NSUN2: variants seen among roughly 807,000 people sequenced by gnomAD.
The protein encoded by NSUN2 is RNA cytosine C(5)-methyltransferase NSUN2.
Under a neutral mutation model 92.7 loss-of-function variants are expected in NSUN2, and 63 were observed. The observed-to-expected ratio is 0.68, with a 90% confidence interval of 0.56 to 0.84. NSUN2 has a LOEUF of 0.84. Among genes scored for constraint, NSUN2 ranks in the 40% least tolerant of loss-of-function variants. The pLI is 0.00. For missense variants in NSUN2, 989 were observed against 964.9 expected, an observed-to-expected ratio of 1.02 and a Z score of -0.33; for synonymous variants, 356 against 348.3, an observed-to-expected ratio of 1.02 and a Z score of -0.25.
In NSUN2 at chr5:6,602,417, T is replaced by C. The variant is rs775156580; in HGVS notation, c.1997+44A>G. 1.9e-6 allele frequency: 3 copies of C among 1,590,390 alleles called. No individual in the cohort carries two copies. In the Admixed American group the frequency reaches 5.0e-5, roughly 27 times the overall value. On this transcript the variant is annotated intron_variant, in intron 18 of 18. Coordinates refer to ENST00000264670, the MANE Select transcript of NSUN2 (RefSeq NM_017755.6). ...TCACCAACGAGAACACTGTAGCTAA[T>C]GACAAGGCGTGTGTGTCTAAGGGCA...
chr5:6,605,893 C>T (rs973576786), intron 14 of NSUN2, among the ~76,000 whole-genome samples: 1 of 151,988 alleles, frequency 6.6e-6, no homozygotes, highest in Non-Finnish European at 1.5e-5. Context: ...CGGGGTTTCA[C>T]CACATTGGTC....
chr5:6,610,066 T>A (rs1009730723), intron 11 of NSUN2, 144 bp from the exon 12 acceptor site: 39 of 156,826 alleles, frequency 2.5e-4, no homozygotes, highest in Non-Finnish European at 3.1e-4. Flanking sequence ...TAAACTTAAA[T>A]TTTTTTTTTT....
intron 12 of NSUN2, among the ~76,000 whole-genome samples, chr5:6,607,759 C>G (rs1318536860): frequency 6.6e-6 from 1 of 152,136 alleles, no homozygotes; most frequent in African/African-American, 2.4e-5. Context: ...AAATACCCGG[C>G]AGGGGCAAAA....
chr5:6,610,510 G>GAAACCCTGTCTCTACTAATAAAAT (rs1736943457), intron 11 of NSUN2, among the ~76,000 whole-genome samples: 1 of 152,010 alleles, frequency 6.6e-6, no homozygotes, highest in Admixed American at 6.5e-5. Flanking sequence ...CCAACGTGGT[G>GAAACCCTGTCTCTACTAATAAAAT]AAACCCTGTC....
intron 3 of NSUN2, among the ~76,000 whole-genome samples, chr5:6,631,139 C>T (rs976421474): frequency 7.9e-5 from 12 of 152,268 alleles, no homozygotes; most frequent in East Asian, 1.9e-4. Flanking sequence ...TTCACCTTTT[C>T]GTGCATTACT....
intron 13 of NSUN2, 46 bp from the exon 14 acceptor site, chr5:6,606,958 T>A: frequency 8.7e-7 from 1 of 1,146,084 alleles, no homozygotes; most frequent in South Asian, 1.3e-5. Context: ...TAATGTGTGG[T>A]AACCTTCAAT....
rs370321730 is a variant in NSUN2, at chr5:6,619,117, G to A, written c.815+989C>T. Among the ~76,000 whole-genome samples, 3 of 152,096 alleles carry A rather than the reference G, an allele frequency of 2.0e-5. No individual in the cohort carries two copies. The East Asian group carries it at 5.8e-4, about 29-fold the overall frequency. On this transcript the variant is annotated intron_variant, in intron 7 of 18. Coordinates refer to ENST00000264670, the MANE Select transcript of NSUN2 (RefSeq NM_017755.6). ...GAGTTATCTTTCTGATCAAAAAACA[G>A]GGGTAGGAAAACATGAGACCCCAAG...
chr5:6,631,790 A>G, intron 3 of NSUN2, 83 bp downstream of exon 3: 1 of 1,029,436 alleles, frequency 9.7e-7, no homozygotes, highest in South Asian at 1.4e-5. Flanking sequence ...TTTAACAGCA[A>G]ATGCAGTACC....
Position 6,600,201 on chromosome 5 carries a change from A to C in NSUN2, c.2029T>G (p.Leu677Val), listed in dbSNP as rs919423853. The C allele has an allele frequency of 3.1e-6, 5 of 1,614,104 alleles. No individual in the cohort carries two copies. The African/African-American group carries it at 6.7e-5, about 22-fold the overall frequency. ...GAGGCCTTTCCCCGCCATCCGCATA[A>C]GACGATGGGACACTGCAGAGCGTCT... Reference protein sequence around the residue: ...NPDALQCPIVLCGWRGKASIR... With the variant: ...NPDALQCPIVVCGWRGKASIR... Residue 677 changes from leucine to valine, a missense_variant, in exon 19 of 19, where the codon TTA (leucine) becomes GTA (valine). This residue lies in a region of NSUN2 where 626 missense variants were observed against 602.3 expected (regional missense o/e 1.04). Transcript: ENST00000264670.
rs1579362420 is a variant in NSUN2 at position 6,611,238 on chromosome 5, A to C, written c.1096-153T>G. Among the ~76,000 whole-genome samples the C allele has an allele frequency of 2.0e-5, 3 of 152,296 alleles. No individual in the cohort carries two copies. In the South Asian group the frequency reaches 6.2e-4, roughly 32 times the overall value. On this transcript the variant is annotated intron_variant, in intron 10 of 18. Coordinates refer to ENST00000264670, the MANE Select transcript of NSUN2 (RefSeq NM_017755.6). Reference sequence around the variant, plus strand: ...ATTATTTGCCAAGACAAAACAAAACAATCTTTACAGAAAATCCCCAAATTA... The same window carrying C: ...ATTATTTGCCAAGACAAAACAAAACCATCTTTACAGAAAATCCCCAAATTA...
chr5:6,604,857 G>A lies in NSUN2; in HGVS notation c.1738-172C>T, dbSNP rs6888601. The A allele has an allele frequency of 0.62, 388,556 of 628,780 alleles. 122,600 individuals carry two copies. The highest frequency in any genetic ancestry group is 0.67 in the Non-Finnish European group (238,758 of 358,974). 39.0% of individuals were successfully genotyped at this position (628,780 alleles called of 1,614,324 possible). ...ACTGATACTCACAACTTGTGATTAC[G>A]TCGTTTGGAGGACAGTAAAGCAAAT... On this transcript the variant is annotated intron_variant, in intron 15 of 18. Coordinates refer to ENST00000264670, the MANE Select transcript of NSUN2 (RefSeq NM_017755.6).
At position 6,608,929 on chromosome 5, in the gene NSUN2, G is replaced by A. The variant is rs530558127; in HGVS notation, c.1323+897C>T. On this transcript the variant is annotated intron_variant, in intron 12 of 18. Coordinates refer to ENST00000264670, the MANE Select transcript of NSUN2 (RefSeq NM_017755.6). ...CCATCAGCGTTAAGATACCTTGTGA[G>A]ACTTTTAGCCTCAAAGTGAAATACT... Among the ~76,000 whole-genome samples, 7 of 152,326 alleles carry A rather than the reference G, an allele frequency of 4.6e-5. No individual in the cohort carries two copies. In the East Asian group the frequency reaches 1.3e-3, roughly 29 times the overall value.
At chr5:6,620,479 T>A in intron 6 of NSUN2, 181 bp from the exon 7 acceptor site, 1 of 428,480 alleles carries the variant, frequency 2.3e-6, no homozygotes, top group Non-Finnish European at 4.1e-6. Flanking sequence ...TGGCTCTGGA[T>A]GGATTTTATG....
chr5:6,604,915 G>C, intron 15 of NSUN2: 1 of 604,444 alleles, frequency 1.7e-6, no homozygotes, highest in Non-Finnish European at 2.9e-6. Flanking sequence ...CAAATTCTAA[G>C]GGAAGTACCT....
intron 13 of NSUN2, 74 bp from the exon 14 acceptor site, chr5:6,606,986 CCTTT>C (rs1223599790): frequency 1.1e-5 from 12 of 1,049,514 alleles, no homozygotes; most frequent in African/African-American, 1.6e-5. Flanking sequence ...GCACATTCTT[CCTTT>C]CTGTCAGTTC....
chr5:6,622,802 G>A (rs1460461916), intron 5 of NSUN2, among the ~76,000 whole-genome samples: 35 of 148,836 alleles, frequency 2.4e-4, no homozygotes, highest in Admixed American at 2.2e-3. Flanking sequence ...AGCCAAGATC[G>A]CGCCACTGCA....
At chr5:6,617,532 T>C (rs1737258690) in intron 8 of NSUN2, among the ~76,000 whole-genome samples, 1 of 152,252 alleles carries the variant, frequency 6.6e-6, no homozygotes, top group South Asian at 2.1e-4. Flanking sequence ...AATTTTCCAA[T>C]TGTTCTTTAA....
chr5:6,632,646 A>G lies in NSUN2; in HGVS notation c.207T>C (p.Ala69=). The change falls in exon 2 of 19, where the codon GCT becomes GCC. Residue 69 remains alanine (A), a synonymous_variant. Transcript: ENST00000264670. ...PEGEWGQFMD[A]LREPLPATLR... ...AAGTGGCCGGGAGCGGCTCCCTGAG[A>G]GCGTCCATGAACTGGCCCCACTCGC... The G allele has an allele frequency of 6.2e-7, 1 of 1,614,128 alleles. No individual in the cohort carries two copies. Among genetic ancestry groups the G allele is most frequent in the African/African-American group, 1.3e-5 (1 of 75,022 alleles).
At position 6,599,736 on chromosome 5, in the gene NSUN2, C is replaced by A; in HGVS notation, c.*190G>T. The A allele has an allele frequency of 1.7e-6, 1 of 602,160 alleles. No individual in the cohort carries two copies. The highest frequency in any genetic ancestry group is 1.8e-5 in the African/African-American group (1 of 54,916). 37.3% of individuals were successfully genotyped at this position (602,160 alleles called of 1,614,324 possible). A position where few individuals can be genotyped will look rare whatever the true frequency, so the allele number is the denominator to read the frequency against. On this transcript the variant is annotated 3_prime_UTR_variant, in exon 19 of 19. Coordinates refer to ENST00000264670, the MANE Select transcript of NSUN2 (RefSeq NM_017755.6). ...TGATTTCTAACACGCTAAAAGAGTA[C>A]ATTTTCATCAGCTCCAAAGAAAGCA... is the stretch of plus-strand genomic sequence containing the variant.
Sources: allele counts gnomAD v4.1 joint callset (sites outside exome capture counted in the v4.1 genomes callset), GRCh38; gene constraint gnomAD v4.1.1; regional missense constraint gnomAD v4.1.1; transcripts MANE v1.5; gene names NCBI Gene and HGNC (gene_info 2026-07-23, HGNC 2026-07-21).